Variants in SLC5A8 observed in about 807,000 individuals in gnomAD.
SLC5A8 encodes the protein sodium-coupled monocarboxylate transporter 1.
A neutral mutation model predicts 71.9 loss-of-function variants in SLC5A8; 55 were observed. The observed-to-expected ratio is 0.77, with a 90% CI of 0.62 to 0.96. The LOEUF (loss-of-function observed/expected upper bound fraction) is 0.96. SLC5A8 is among the 40% of genes least tolerant of loss of function. The probability of loss-of-function intolerance (pLI) is 0.00; values close to 1 mark genes in which losing one functional copy is unlikely to be tolerated. For missense variants in SLC5A8, 701 were observed against 745.3 expected (o/e 0.94, Z 0.69); for synonymous variants, 307 against 276.1 (o/e 1.11, Z -1.11).
chr12:101,204,582 A>T lies in SLC5A8; in HGVS notation c.352-17T>A. ...TTCTAAATACTGTTGCAAAAAAAAA[A>T]ATTATGCGAATCCTCTGGATGCCTT... On this transcript the variant is annotated splice_polypyrimidine_tract_variant and intron_variant, in intron 1 of 14. Transcript: ENST00000536262. 1 of 1,561,602 alleles carries T rather than the reference A, an allele frequency of 6.4e-7. No homozygotes were observed. The highest frequency in any genetic ancestry group is 1.2e-5 in the South Asian group (1 of 81,902).
At chr12:101,197,223 A>C (rs1407639286) in intron 3 of SLC5A8, among the ~76,000 whole-genome samples, 2 of 152,200 alleles carry the variant, frequency 1.3e-5, no homozygotes, top group East Asian at 3.8e-4. Flanking sequence ...GAGAAAGCAA[A>C]TAGTTGATAA....
At position 101,171,101 on chromosome 12, in the gene SLC5A8, T is replaced by C. The variant is rs191060281; in HGVS notation, c.1234-2919A>G. ...CAGGAGGGTTTTCATCTAGAGACCTTTCTCAGAGTTTAGGGGATCCTTCCT... is the reference window on the plus strand; with the variant it reads ...CAGGAGGGTTTTCATCTAGAGACCTCTCTCAGAGTTTAGGGGATCCTTCCT... On this transcript the variant is annotated intron_variant, in intron 10 of 14. Coordinates refer to ENST00000536262, the MANE Select transcript of SLC5A8 (RefSeq NM_145913.5). Among the ~76,000 whole-genome samples the C allele has an allele frequency of 4.9e-3, 748 of 152,302 alleles. 8 individuals carry two copies. Among genetic ancestry groups the C allele is most frequent in the African/African-American group, 0.017 (686 of 41,558 alleles).
rs1415247044 is a variant in SLC5A8, at chr12:101,156,036, T to C, written c.*1243A>G. The C allele has an allele frequency of 6.6e-6, 1 of 152,138 alleles. No individual in the cohort carries two copies. The highest frequency in any genetic ancestry group is 1.5e-5 in the Non-Finnish European group (1 of 68,018). The allele number at this position is 152,138 out of a possible 1,614,324, so 9.4% of individuals were successfully genotyped here. A position where few individuals can be genotyped will look rare whatever the true frequency, so the allele number is the denominator to read the frequency against. On this transcript the variant is annotated 3_prime_UTR_variant, in exon 15 of 15. Transcript: ENST00000536262. ...AAAATAAGTTATTGATGAACTCCTATAACCAAACTCTTAGCTAGGAACATA... is the reference window on the plus strand; with the variant it reads ...AAAATAAGTTATTGATGAACTCCTACAACCAAACTCTTAGCTAGGAACATA...
At chr12:101,157,957 A>AT (rs143341495) in intron 14 of SLC5A8, among the ~76,000 whole-genome samples, 1,894 of 152,242 alleles carry the variant, frequency 0.012, 21 homozygotes, top group Non-Finnish European at 0.02. Flanking sequence ...GGATAGAGAG[A>AT]TATACAGCAG....
intron 14 of SLC5A8, 65 bp downstream of exon 14, chr12:101,158,184 A>G (rs1485408338): frequency 3.6e-6 from 4 of 1,103,388 alleles, no homozygotes; most frequent in African/African-American, 1.6e-5. Context: ...TTGAGAACTA[A>G]TTAGTGTTCT....
At chr12:101,202,505 C>T (rs1440567207) in intron 2 of SLC5A8, among the ~76,000 whole-genome samples, 3 of 151,844 alleles carry the variant, frequency 2.0e-5, no homozygotes, top group Admixed American at 2.0e-4. Context: ...GATCCACCAA[C>T]TCAAGCTTGA....
intron 7 of SLC5A8, among the ~76,000 whole-genome samples, chr12:101,184,469 C>A (rs994034247): frequency 2.0e-5 from 3 of 152,182 alleles, no homozygotes; most frequent in African/African-American, 7.2e-5. Context: ...TTCTGAGCCT[C>A]AGTTTCCTCA....
chr12:101,168,174 G>A lies in SLC5A8; in HGVS notation c.1242C>T (p.Leu414=). 4 of 1,604,350 alleles carry A rather than the reference G, an allele frequency of 2.5e-6. No individual in the cohort carries two copies. The East Asian group carries it at 8.9e-5, about 36-fold the overall frequency. Residue 414 remains leucine, a synonymous_variant, in exon 11 of 15, where the codon CTC becomes CTT. Transcript: ENST00000536262. ...GTCCACCAACCATACCAAATACGCT[G>A]AGTGCTGCCTACAAAAATAATACAA... ...SLMGALLQAA[L]SVFGMVGGPL... is the part of the protein sequence containing the mutation.
At position 101,209,465 on chromosome 12, in the gene SLC5A8, C is replaced by T. The variant is rs370074765; in HGVS notation, c.351+33G>A. ...GTCTGCAGAGTCCCCTTCCCCCGCG[C>T]CCTGCATGGTCCCAGCCCACCCTGC... is the stretch of plus-strand genomic sequence containing the variant. On this transcript the variant is annotated intron_variant, in intron 1 of 14. Coordinates refer to ENST00000536262, the MANE Select transcript of SLC5A8 (RefSeq NM_145913.5). 4.5e-4 allele frequency: 674 copies of T among 1,512,592 alleles called. 2 individuals carry two copies. The highest frequency in any genetic ancestry group is 5.3e-4 in the Non-Finnish European group (601 of 1,123,820). 93.7% of individuals were successfully genotyped at this position (1,512,592 alleles called of 1,614,324 possible).
intron 3 of SLC5A8, among the ~76,000 whole-genome samples, chr12:101,197,114 AC>A (rs1184101133): frequency 1.3e-5 from 2 of 152,218 alleles, no homozygotes; most frequent in African/African-American, 4.8e-5. Context: ...AATCTCAGTC[AC>A]CCTTGGGGGA....
At chr12:101,182,373 C>T (rs1868406683) in intron 9 of SLC5A8, among the ~76,000 whole-genome samples, 1 of 152,156 alleles carries the variant, frequency 6.6e-6, no homozygotes. Flanking sequence ...ACTGACAGTG[C>T]CTTCTTAGGT....
At chr12:101,197,060 A>T (rs1869210526) in intron 3 of SLC5A8, among the ~76,000 whole-genome samples, 1 of 152,246 alleles carries the variant, frequency 6.6e-6, no homozygotes, top group Non-Finnish European at 1.5e-5. Context: ...GCTATGAAAT[A>T]ACAGCAAACC....
intron 12 of SLC5A8, 64 bp from the exon 13 acceptor site, chr12:101,162,141 C>T (rs1473407937): frequency 1.0e-6 from 1 of 1,004,018 alleles, no homozygotes; most frequent in South Asian, 1.4e-5. Flanking sequence ...CCAGTATATA[C>T]CAGTGATTCC....
At chr12:101,168,324 G>A (rs2137127804) in intron 10 of SLC5A8, 142 bp from the exon 11 acceptor site, 2 of 760,282 alleles carry the variant, frequency 2.6e-6, no homozygotes, top group East Asian at 2.9e-5. Flanking sequence ...CCTTATCACT[G>A]GAAAAGAAGT....
At chr12:101,189,869 C>T (rs1215768680) in intron 6 of SLC5A8, among the ~76,000 whole-genome samples, 1 of 152,218 alleles carries the variant, frequency 6.6e-6, no homozygotes, top group African/African-American at 2.4e-5. Flanking sequence ...AGGCCTTTAC[C>T]ATGCGTATGC....
chr12:101,169,827 C>T (rs1218981706), intron 10 of SLC5A8, among the ~76,000 whole-genome samples: 2 of 152,184 alleles, frequency 1.3e-5, no homozygotes, highest in Non-Finnish European at 2.9e-5. Context: ...GATTGAACAA[C>T]GAAGTCATCT....
chr12:101,166,389 AT>A, intron 12 of SLC5A8, 104 bp downstream of exon 12: 1 of 930,292 alleles, frequency 1.1e-6, no homozygotes, highest in Non-Finnish European at 1.6e-6. Flanking sequence ...TCATTTCAGA[AT>A]TAGGCAAAAT....
chr12:101,187,058 T>C (rs1477310585), intron 7 of SLC5A8, among the ~76,000 whole-genome samples: 1 of 152,164 alleles, frequency 6.6e-6, no homozygotes, highest in Non-Finnish European at 1.5e-5. Flanking sequence ...TATAGTACAA[T>C]GGTTTGTGTA....
intron 10 of SLC5A8, 69 bp downstream of exon 10, chr12:101,179,960 G>C: frequency 1.3e-6 from 2 of 1,518,486 alleles, no homozygotes; most frequent in South Asian, 2.2e-5. Flanking sequence ...AGTCTGGAAG[G>C]ATGGTCACAT....
Sources: allele counts gnomAD v4.1 joint callset (sites outside exome capture counted in the v4.1 genomes callset), GRCh38; gene constraint gnomAD v4.1.1; transcripts MANE v1.5; gene names NCBI Gene and HGNC (gene_info 2026-07-23, HGNC 2026-07-21).